Variants in COL24A1 observed in about 807,000 individuals in gnomAD.
The protein encoded by COL24A1 is collagen type XXIV alpha 1 chain.
In COL24A1, 224 loss-of-function variants were observed where a neutral mutation model predicts 253.9. The observed-to-expected ratio is 0.88, with a 90% CI of 0.79 to 0.99. COL24A1 has a LOEUF of 0.99. Among genes scored for constraint, COL24A1 ranks in the 50% least tolerant of loss-of-function variants. The pLI, the probability that COL24A1 is intolerant of heterozygous loss-of-function variation, is 0.00. For synonymous variants in COL24A1, 685 were observed against 673.7 expected, an observed-to-expected ratio of 1.02 and a Z score of -0.26; for missense variants, 2,131 against 2,068.5, an observed-to-expected ratio of 1.03 and a Z score of -0.59.
At position 85,758,048 on chromosome 1, in the gene COL24A1, T is replaced by C. The variant is rs562885060; in HGVS notation, c.4437+3348A>G. Among the ~76,000 whole-genome samples, 317 of 152,274 alleles carry C rather than the reference T, an allele frequency of 2.1e-3. 3 individuals are homozygous for C. Among genetic ancestry groups the C allele is most frequent in the Middle Eastern group, 3.4e-3 (1 of 294 alleles). ...GAGGGGAATTAGACAGCAGGATTCA[T>C]TATACTTTGGGAGAATGTAATCTTC... On this transcript the variant is annotated intron_variant, in intron 55 of 59. Coordinates refer to ENST00000370571, the MANE Select transcript of COL24A1 (RefSeq NM_152890.7).
chr1:86,016,929 C>T (rs1213027272), intron 19 of COL24A1, among the ~76,000 whole-genome samples: 1 of 152,094 alleles, frequency 6.6e-6, no homozygotes, highest in Non-Finnish European at 1.5e-5. Context: ...AGCTGTGATC[C>T]TAATCAGTGT....
intron 24 of COL24A1, among the ~76,000 whole-genome samples, chr1:85,942,016 GTACT>G (rs1558740476): frequency 6.6e-6 from 1 of 152,040 alleles, no homozygotes; most frequent in Admixed American, 6.5e-5. Context: ...TTCCCACAGT[GTACT>G]TAAACATAGG....
chr1:86,083,680 T>C (rs1702844306), intron 7 of COL24A1, among the ~76,000 whole-genome samples: 1 of 152,038 alleles, frequency 6.6e-6, no homozygotes, highest in African/African-American at 2.4e-5. Context: ...AATAAAATGA[T>C]AGGTGGTTGG....
intron 8 of COL24A1, among the ~76,000 whole-genome samples, chr1:86,063,220 T>C (rs893811948): frequency 6.8e-6 from 1 of 147,836 alleles, no homozygotes; most frequent in Non-Finnish European, 1.5e-5. Flanking sequence ...CAATGATATA[T>C]GTACCATTCT....
At chr1:85,754,353 C>T (rs1665949339) in intron 55 of COL24A1, among the ~76,000 whole-genome samples, 1 of 75,504 alleles carries the variant, frequency 1.3e-5, no homozygotes, top group Non-Finnish European at 2.7e-5. Flanking sequence ...CACTTGGACA[C>T]AGGAAGGGGA....
chr1:85,920,212 C>G (rs1006165843), intron 24 of COL24A1, among the ~76,000 whole-genome samples: 1 of 152,042 alleles, frequency 6.6e-6, no homozygotes, highest in Admixed American at 6.6e-5. Context: ...AACACAAAGG[C>G]AGAAGAGATT....
At chr1:85,950,200 A>AT (rs570289318) in intron 24 of COL24A1, among the ~76,000 whole-genome samples, 24 of 152,218 alleles carry the variant, frequency 1.6e-4, no homozygotes, top group African/African-American at 5.5e-4. Flanking sequence ...AAAAGCAAGA[A>AT]TTTTTTTTAA....
rs527807166 is a variant in COL24A1, at chr1:86,139,603, A to G, written c.121+6516T>C. ...AAAAAGGAGTAATATATCGCTTTAT[A>G]AAGTATAACAAGTTACAGAGTTAAC... On this transcript the variant is annotated intron_variant, in intron 2 of 59. Coordinates refer to ENST00000370571, the MANE Select transcript of COL24A1 (RefSeq NM_152890.7). Among the ~76,000 whole-genome samples, 22 of 152,340 alleles carry G rather than the reference A, an allele frequency of 1.4e-4. No homozygotes were observed. In the South Asian group the frequency reaches 4.6e-3, roughly 32 times the overall value.
intron 23 of COL24A1, among the ~76,000 whole-genome samples, 183 bp from the exon 24 acceptor site, chr1:85,961,476 T>C (rs892676269): frequency 6.6e-6 from 1 of 151,952 alleles, no homozygotes; most frequent in South Asian, 2.1e-4. Flanking sequence ...TGTTTACCTA[T>C]ATAACAAATC....
rs1005679180 is a variant in COL24A1 at position 85,784,050 on chromosome 1, T to G, written c.4221+63A>C. On this transcript the variant is annotated intron_variant, in intron 50 of 59. Transcript: ENST00000370571. ...AAAAAAGCTCAAGTTACAGACTATA[T>G]TATTTCAACAGCTCTTTTATTTCTA... 33 of 1,310,746 alleles carry G rather than the reference T, an allele frequency of 2.5e-5. No individual in the cohort carries two copies. The African/African-American group carries it at 4.0e-4, about 16-fold the overall frequency. The allele number at this position is 1,310,746 out of a possible 1,614,324, so 81.2% of individuals were successfully genotyped here.
intron 24 of COL24A1, among the ~76,000 whole-genome samples, chr1:85,934,996 A>T (rs969756786): frequency 6.6e-6 from 1 of 152,116 alleles, no homozygotes; most frequent in Admixed American, 6.6e-5. Flanking sequence ...GCTGTGTTTC[A>T]AGATCCAGAC....
chr1:85,834,293 A>G (rs1675745736), intron 43 of COL24A1, among the ~76,000 whole-genome samples: 1 of 151,706 alleles, frequency 6.6e-6, no homozygotes, highest in Admixed American at 6.6e-5. Context: ...TGAGTGAGTG[A>G]GAGAGAGAGA....
chr1:85,998,165 C>T (rs1450852911), intron 19 of COL24A1, among the ~76,000 whole-genome samples: 6 of 152,164 alleles, frequency 3.9e-5, no homozygotes, highest in Non-Finnish European at 8.8e-5. Flanking sequence ...CAGTTTTCTA[C>T]ATACATCTAG....
intron 24 of COL24A1, among the ~76,000 whole-genome samples, chr1:85,942,661 A>G (rs1353343164): frequency 6.6e-6 from 1 of 152,210 alleles, no homozygotes; most frequent in Admixed American, 6.5e-5. Flanking sequence ...AAAGTCTAAA[A>G]TTCCAAAAAT....
chr1:86,081,537 T>G (rs1184249548), intron 7 of COL24A1, among the ~76,000 whole-genome samples: 1 of 152,180 alleles, frequency 6.6e-6, no homozygotes, highest in Non-Finnish European at 1.5e-5. Context: ...AGCTAATACT[T>G]CTTTTGATTA....
intron 55 of COL24A1, among the ~76,000 whole-genome samples, chr1:85,755,349 C>T (rs1441422711): frequency 6.6e-6 from 1 of 151,970 alleles, no homozygotes; most frequent in Admixed American, 6.6e-5. Context: ...CTTGAATCCA[C>T]CTGAAGAAAT....
chr1:85,770,740 T>C (rs12738137), intron 53 of COL24A1, among the ~76,000 whole-genome samples: 1 of 152,182 alleles, frequency 6.6e-6, no homozygotes, highest in Non-Finnish European at 1.5e-5. Context: ...TTCTTTAGCA[T>C]GGAAGAATTG....
At chr1:85,834,866 G>A (rs1181095073) in intron 43 of COL24A1, among the ~76,000 whole-genome samples, 2 of 152,142 alleles carry the variant, frequency 1.3e-5, no homozygotes, top group African/African-American at 2.4e-5. Context: ...TTTTAGTACA[G>A]TTTATAGCAG....
At chr1:86,102,501 T>G (rs974405582) in intron 5 of COL24A1, among the ~76,000 whole-genome samples, 2 of 152,090 alleles carry the variant, frequency 1.3e-5, no homozygotes, top group South Asian at 2.1e-4. Context: ...AGATATTTCT[T>G]TTTGATATGG....
Sources: allele counts gnomAD v4.1 joint callset (sites outside exome capture counted in the v4.1 genomes callset), GRCh38; gene constraint gnomAD v4.1.1; transcripts MANE v1.5; gene names NCBI Gene and HGNC (gene_info 2026-07-23, HGNC 2026-07-21).